Variants in KDM1B observed in about 807,000 individuals in gnomAD.
KDM1B encodes the protein lysine-specific histone demethylase 2.
Under a neutral mutation model 107.4 loss-of-function variants are expected in KDM1B, and 63 were observed. The ratio of observed to expected loss-of-function variants is 0.59; its 90% CI spans 0.48 to 0.72. The LOEUF (loss-of-function observed/expected upper bound fraction) is 0.72. Ranked by LOEUF, KDM1B falls within the 30% of genes least tolerant of loss-of-function variation. The probability of loss-of-function intolerance (pLI) is 0.00; values close to 1 mark genes in which losing one functional copy is unlikely to be tolerated. For synonymous variants in KDM1B, 363 were observed against 363.9 expected (o/e 1.00, Z 0.03); for missense variants, 749 against 1,020.8 (o/e 0.73, Z 3.63).
chr6:18,191,016 A>T lies in KDM1B; in HGVS notation c.785-181A>T, dbSNP rs775336940. Among the ~76,000 whole-genome samples, 2 of 152,218 alleles carry T rather than the reference A, an allele frequency of 1.3e-5. No individual in the cohort carries two copies. The highest frequency in any genetic ancestry group is 2.4e-5 in the African/African-American group (1 of 41,462). On this transcript the variant is annotated intron_variant, in intron 9 of 21. Coordinates refer to ENST00000650836, the MANE Select transcript of KDM1B (RefSeq NM_001364614.2). The surrounding 1 kb of genome is among the most constrained non-coding windows in gnomAD (Gnocchi z 5.1). ...AAAGTTGAGAATAGCATGAAGAAAGAATGAGAAAAATACTTAATTTATGTA... is the reference window on the plus strand; with the variant it reads ...AAAGTTGAGAATAGCATGAAGAAAGTATGAGAAAAATACTTAATTTATGTA...
chr6:18,188,151 G>A (rs1427625561), intron 9 of KDM1B, 149 bp downstream of exon 9: 12 of 695,296 alleles, frequency 1.7e-5, no homozygotes, highest in East Asian at 2.7e-5. Flanking sequence ...TTGGGTGGCC[G>A]AGGCAGGAGG....
chr6:18,176,007 A>G (rs1785974853), intron 7 of KDM1B, among the ~76,000 whole-genome samples: 1 of 152,144 alleles, frequency 6.6e-6, no homozygotes, highest in Non-Finnish European at 1.5e-5. Context: ...GATGAATGAT[A>G]GTAGTATTTT....
At position 18,186,789 on chromosome 6, in the gene KDM1B, AC is replaced by A. The variant is rs1201568525; in HGVS notation, c.573+981del. On this transcript the variant is annotated intron_variant, in intron 8 of 21. Coordinates refer to ENST00000650836, the MANE Select transcript of KDM1B (RefSeq NM_001364614.2). This position sits in a 1 kb window ranked among gnomAD's most constrained non-coding sequence, Gnocchi z 5.6. ...CAAAGGGGGAAAAGCCCCTTGTAAA[AC>A]CATCAGATCTCATGAGAACTCATTA... 6.6e-6 allele frequency among the ~76,000 whole-genome samples: 1 copy of A among 152,184 alleles called. No individual in the cohort carries two copies. The highest frequency in any genetic ancestry group is 1.9e-4 in the East Asian group (1 of 5,182).
At chr6:18,221,254 C>T (rs1388382607) in intron 21 of KDM1B, among the ~76,000 whole-genome samples, 2 of 152,178 alleles carry the variant, frequency 1.3e-5, no homozygotes, top group African/African-American at 4.8e-5. Context: ...TGTTCAGCTC[C>T]TCTTCAGCTA....
rs141304943 is a variant in KDM1B, at chr6:18,204,679, C to T, written c.1532-858C>T. On this transcript the variant is annotated intron_variant, in intron 14 of 21. Coordinates refer to ENST00000650836, the MANE Select transcript of KDM1B (RefSeq NM_001364614.2). The surrounding 1 kb of genome is among the most constrained non-coding windows in gnomAD (Gnocchi z 4.9). The stretch of plus-strand genomic sequence containing the variant: ...AAAAATGATATCACAGGGCTGTGTC[C>T]ATATAGTTACAAGGTCCGGTTGAGT... Among the ~76,000 whole-genome samples, 3 of 152,194 alleles carry T rather than the reference C, an allele frequency of 2.0e-5. No individual in the cohort carries two copies. The highest frequency in any genetic ancestry group is 7.2e-5 in the African/African-American group (3 of 41,502).
chr6:18,198,125 A>T (rs1487468854), intron 12 of KDM1B, among the ~76,000 whole-genome samples: 1 of 151,912 alleles, frequency 6.6e-6, no homozygotes, highest in African/African-American at 2.4e-5. Flanking sequence ...TGAACTCCTG[A>T]CCTCAAGTGA....
intron 7 of KDM1B, among the ~76,000 whole-genome samples, chr6:18,178,405 A>G (rs1786188396): frequency 7.0e-6 from 1 of 142,998 alleles, no homozygotes; most frequent in Admixed American, 7.3e-5. Flanking sequence ...TTATTTATTT[A>G]TTTTTTGAAA....
chr6:18,198,180 G>A (rs963449717), intron 12 of KDM1B, among the ~76,000 whole-genome samples: 2 of 151,950 alleles, frequency 1.3e-5, no homozygotes, highest in Non-Finnish European at 2.9e-5. Context: ...ACAGATGTGA[G>A]CCACTGCACC....
intron 21 of KDM1B, among the ~76,000 whole-genome samples, chr6:18,220,931 A>G (rs575525976): frequency 6.6e-6 from 1 of 151,404 alleles, no homozygotes; most frequent in East Asian, 2.0e-4. Context: ...ATTTTTTTTT[A>G]GTAGAGATGG....
At position 18,209,526 on chromosome 6, in the gene KDM1B, T is replaced by C. The variant is rs1788673043; in HGVS notation, c.1866+1320T>C. Among the ~76,000 whole-genome samples the C allele has an allele frequency of 6.6e-6, 1 of 152,172 alleles. No individual in the cohort carries two copies. The highest frequency in any genetic ancestry group is 1.5e-5 in the Non-Finnish European group (1 of 68,042). ...TGGGCAGCAATCCCCGGGCTGCACG[T>C]CGGAACCACCTGGGAGGCGCTTACA... On this transcript the variant is annotated intron_variant, in intron 17 of 21. Transcript: ENST00000650836. This position sits in a 1 kb window ranked among gnomAD's most constrained non-coding sequence, Gnocchi z 4.3.
intron 7 of KDM1B, among the ~76,000 whole-genome samples, chr6:18,184,276 T>C (rs866256028): frequency 1.4e-4 from 20 of 140,014 alleles, no homozygotes; most frequent in South Asian, 2.3e-4. Flanking sequence ...CTAGCTTCTT[T>C]TTTTTTTTTT....
At chr6:18,169,965 A>C (rs1051342712) in intron 6 of KDM1B, among the ~76,000 whole-genome samples, 1 of 145,306 alleles carries the variant, frequency 6.9e-6, no homozygotes, top group Non-Finnish European at 1.5e-5. Context: ...GCTGGGGTGC[A>C]TTGGTACGAT....
chr6:18,219,233 G>T (rs1038167110), intron 21 of KDM1B, among the ~76,000 whole-genome samples: 1 of 152,126 alleles, frequency 6.6e-6, no homozygotes, highest in South Asian at 2.1e-4. Context: ...CTCCAGCATT[G>T]GGCCTTTATT....
intron 5 of KDM1B, among the ~76,000 whole-genome samples, chr6:18,163,820 G>A (rs1785117802): frequency 6.6e-6 from 1 of 152,138 alleles, no homozygotes; most frequent in South Asian, 2.1e-4. Flanking sequence ...ATTTGTCAAA[G>A]TTTGCTTTAT....
Position 18,215,117 on chromosome 6 carries a change from G to A in KDM1B, c.2220G>A (p.Leu740=). 1 of 1,612,656 alleles carries A rather than the reference G, an allele frequency of 6.2e-7. No homozygotes were observed. Among genetic ancestry groups the A allele is most frequent in the Non-Finnish European group, 8.5e-7 (1 of 1,179,710 alleles). ...AGTGCATGGCCACGCTCCGGGAGCT[G>A]TTCAAGGAGCAGGTGAGAGAGAGGA... ...LQQCMATLRE[L]FKEQEVPDPT... is the part of the protein sequence containing the mutation. The change falls in exon 20 of 22, where the codon CTG becomes CTA. Residue 740 remains leucine, a synonymous_variant. Transcript: ENST00000650836.
Position 18,222,417 on chromosome 6 carries a change from T to C in KDM1B, c.*425T>C. The stretch of plus-strand genomic sequence containing the variant: ...AAGCCATGTTTTTCTTCTGTGACAA[T>C]TTATCAGTATCTTTACCAATGAGCC... On this transcript the variant is annotated 3_prime_UTR_variant, in exon 22 of 22. Coordinates refer to ENST00000650836, the MANE Select transcript of KDM1B (RefSeq NM_001364614.2). The C allele has an allele frequency of 3.2e-6, 1 of 308,378 alleles. No homozygotes were observed. The highest frequency in any genetic ancestry group is 6.3e-6 in the Non-Finnish European group (1 of 157,992). 19.1% of individuals were successfully genotyped at this position (308,378 alleles called of 1,614,324 possible). A position where few individuals can be genotyped will look rare whatever the true frequency, so the allele number is the denominator to read the frequency against.
Position 18,211,038 on chromosome 6 carries a change from T to C in KDM1B, c.1867-1450T>C, listed in dbSNP as rs533614883. ...AAAATCTAGATTTTATTTATTTTCT[T>C]GCAATTTAATTGGATAGTAATTGGT... On this transcript the variant is annotated intron_variant, in intron 17 of 21. Transcript: ENST00000650836. The surrounding 1 kb of genome is among the most constrained non-coding windows in gnomAD (Gnocchi z 5.2). Among the ~76,000 whole-genome samples the C allele has an allele frequency of 7.9e-5, 12 of 152,176 alleles. No homozygotes were observed. The highest frequency in any genetic ancestry group is 1.8e-4 in the Non-Finnish European group (12 of 68,024).
intron 7 of KDM1B, among the ~76,000 whole-genome samples, chr6:18,177,782 T>C (rs965380145): frequency 6.6e-6 from 1 of 152,090 alleles, no homozygotes; most frequent in Non-Finnish European, 1.5e-5. Context: ...ACCACACCTG[T>C]TTTGTAAATA....
At chr6:18,188,213 C>A (rs1349250215) in intron 9 of KDM1B, among the ~76,000 whole-genome samples, 1 of 152,008 alleles carries the variant, frequency 6.6e-6, no homozygotes, top group Non-Finnish European at 1.5e-5. Flanking sequence ...AGCGAGATCT[C>A]GTCTCTAAAA....
Sources: allele counts gnomAD v4.1 joint callset (sites outside exome capture counted in the v4.1 genomes callset), GRCh38; gene constraint gnomAD v4.1.1; non-coding constraint Gnocchi (gnomAD v3.1); transcripts MANE v1.5; gene names NCBI Gene and HGNC (gene_info 2026-07-23, HGNC 2026-07-21).